KCNJ5: variants seen among roughly 807,000 people sequenced by gnomAD.
The protein encoded by KCNJ5 is G protein-activated inward rectifier potassium channel 4.
Under a neutral mutation model 20.2 loss-of-function variants are expected in KCNJ5, and 12 were observed. The ratio of observed to expected loss-of-function variants is 0.59; its 90% CI spans 0.38 to 0.96. The LOEUF is 0.96. Among genes scored for constraint, KCNJ5 ranks in the 40% least tolerant of loss-of-function variants. The probability of loss-of-function intolerance (pLI) is 0.00; values close to 1 mark genes in which losing one functional copy is unlikely to be tolerated. For synonymous variants in KCNJ5, 210 were observed against 213.9 expected, an observed-to-expected ratio of 0.98 and a Z score of 0.16; for missense variants, 449 against 557.6, an observed-to-expected ratio of 0.81 and a Z score of 1.96.
At chr11:128,904,798 A>G (rs1944368149) in intron 1 of KCNJ5, among the ~76,000 whole-genome samples, 1 of 152,148 alleles carries the variant, frequency 6.6e-6, no homozygotes, top group African/African-American at 2.4e-5. Context: ...GTCAGCTTCC[A>G]CTGGGATTTC....
intron 1 of KCNJ5, among the ~76,000 whole-genome samples, chr11:128,895,881 G>A (rs1390480185): frequency 6.6e-6 from 1 of 152,182 alleles, no homozygotes; most frequent in African/African-American, 2.4e-5. Flanking sequence ...AGGGGTAGAA[G>A]GAGCCCAGGG....
Position 128,920,113 on chromosome 11 carries a change from G to T in KCNJ5, c.*3382G>T, listed in dbSNP as rs1944646223. On this transcript the variant is annotated 3_prime_UTR_variant, in exon 3 of 3. Transcript: ENST00000529694. ...GTAGGGAGAAGCCTCCAGGAACTCA[G>T]AATAGAACTCGTTCCCACTCATTTT... The T allele has an allele frequency of 6.6e-6, 1 of 152,242 alleles. No individual in the cohort carries two copies. The highest frequency in any genetic ancestry group is 1.5e-5 in the Non-Finnish European group (1 of 68,056). The allele number at this position is 152,242 out of a possible 1,614,324, so 9.4% of individuals were successfully genotyped here.
intron 1 of KCNJ5, among the ~76,000 whole-genome samples, chr11:128,892,829 G>A (rs1482202657): frequency 2.6e-5 from 4 of 152,174 alleles, no homozygotes; most frequent in African/African-American, 7.2e-5. Flanking sequence ...AGCTATATAC[G>A]TTTACATGAG....
intron 1 of KCNJ5, among the ~76,000 whole-genome samples, chr11:128,898,537 T>A (rs1175679262): frequency 6.6e-6 from 1 of 152,218 alleles, no homozygotes; most frequent in Non-Finnish European, 1.5e-5. Context: ...TTCAGCTGGG[T>A]CTCTCATCTG....
chr11:128,912,447 A>G (rs1010938605), intron 2 of KCNJ5, among the ~76,000 whole-genome samples: 7 of 152,204 alleles, frequency 4.6e-5, no homozygotes, highest in African/African-American at 1.7e-4. Flanking sequence ...ATAAACATCT[A>G]TCATCTGGCC....
chr11:128,903,534 G>A, intron 1 of KCNJ5: 1 of 1,613,204 alleles, frequency 6.2e-7, no homozygotes, highest in South Asian at 1.1e-5. Flanking sequence ...AGAATCCAGT[G>A]AAGGGGTGTT....
In KCNJ5 at chr11:128,911,905, G is replaced by T; in HGVS notation, c.632G>T (p.Arg211Leu). The change falls in exon 2 of 3, where the codon CGG (arginine) becomes CTG (leucine). Residue 211 changes from arginine to leucine, a missense_variant. Arg to Leu is a moderately radical substitution (Grantham distance 102, BLOSUM62 -2). This residue lies in a region of KCNJ5 where 145 missense variants were observed against 166.2 expected (regional missense o/e 0.87). Transcript: ENST00000529694. This position sits in a 1 kb window ranked among gnomAD's most constrained non-coding sequence, Gnocchi z 6.3. ...TCCAACAACGCAGTCATCTCCATGC[G>T]GGACGAGAAGCTGTGCCTCATGTTC... The part of the protein sequence containing the change: ...MFSNNAVISM[R>L]DEKLCLMFRV... 2 of 1,606,204 alleles carry T rather than the reference G, an allele frequency of 1.2e-6. No individual in the cohort carries two copies. The highest frequency in any genetic ancestry group is 8.5e-7 in the Non-Finnish European group (1 of 1,174,396).
Position 128,911,962 on chromosome 11 carries a change from T to TG in KCNJ5, c.691dup (p.Glu231GlyfsTer32). The TG allele has an allele frequency of 6.2e-7, 1 of 1,600,538 alleles. No individual in the cohort carries two copies. The highest frequency in any genetic ancestry group is 1.3e-5 in the African/African-American group (1 of 74,622). On this transcript the variant is annotated frameshift_variant, in exon 2 of 3. Coordinates refer to ENST00000529694, the MANE Select transcript of KCNJ5 (RefSeq NM_000890.5). LOFTEE classifies it high-confidence loss of function. This position sits in a 1 kb window ranked among gnomAD's most constrained non-coding sequence, Gnocchi z 6.3. ...GGCGACCTCCGCAACTCCCACATCG[T>TG]GGAGGCCTCCATCCGGGCCAAGCTC...
At chr11:128,916,102 TTGGATGGA>T (rs56658633) in intron 2 of KCNJ5, among the ~76,000 whole-genome samples, 24,947 of 117,628 alleles carry the variant, frequency 0.21, 2,620 homozygotes, top group Non-Finnish European at 0.27. Context: ...GGATAGATAA[TTGGATGGA>T]TGGATGGATG....
chr11:128,914,308 G>A (rs1185134516), intron 2 of KCNJ5, among the ~76,000 whole-genome samples: 3 of 152,232 alleles, frequency 2.0e-5, no homozygotes, highest in Non-Finnish European at 4.4e-5. Flanking sequence ...CCACAGGCTC[G>A]TAGTGGAGGG....
chr11:128,891,893 T>C (rs1270623102), intron 1 of KCNJ5, among the ~76,000 whole-genome samples, 172 bp downstream of exon 1: 2 of 152,100 alleles, frequency 1.3e-5, no homozygotes, highest in Non-Finnish European at 2.9e-5. Flanking sequence ...GTTTAGGAAA[T>C]TGGAGATCTC....
At chr11:128,909,064 C>G (rs1283879918) in intron 1 of KCNJ5, among the ~76,000 whole-genome samples, 2 of 152,142 alleles carry the variant, frequency 1.3e-5, no homozygotes, top group Non-Finnish European at 2.9e-5. Flanking sequence ...TGGGAAATGG[C>G]CAATGGACAT....
chr11:128,920,551 GT>G lies in KCNJ5; in HGVS notation c.*3821del, dbSNP rs1944650652. 1 of 152,278 alleles carries G rather than the reference GT, an allele frequency of 6.6e-6. No individual in the cohort carries two copies. Among genetic ancestry groups the G allele is most frequent in the Non-Finnish European group, 1.5e-5 (1 of 68,098 alleles). 9.4% of individuals were successfully genotyped at this position (152,278 alleles called of 1,614,324 possible). A position where few individuals can be genotyped will look rare whatever the true frequency, so the allele number is the denominator to read the frequency against. On this transcript the variant is annotated 3_prime_UTR_variant, in exon 3 of 3. Transcript: ENST00000529694. ...GTTGCCCGTTGTCATTTTTAAGACTGTGCCCTGAACACACCTCTGCCCATGC... is the reference window on the plus strand; with the variant it reads ...GTTGCCCGTTGTCATTTTTAAGACTGGCCCTGAACACACCTCTGCCCATGC...
rs1944658507 is a variant in KCNJ5 at position 128,921,098 on chromosome 11, A to G, written c.*4367A>G. 1 of 152,248 alleles carries G rather than the reference A, an allele frequency of 6.6e-6. No homozygotes were observed. Among genetic ancestry groups the G allele is most frequent in the Non-Finnish European group, 1.5e-5 (1 of 68,050 alleles). 9.4% of individuals were successfully genotyped at this position (152,248 alleles called of 1,614,324 possible). A position where few individuals can be genotyped will look rare whatever the true frequency, so the allele number is the denominator to read the frequency against. ...CTGTGTAGGATTCATCAATCTTCGT[A>G]TGCAAAAGAACACCACTGCACTGCA... On this transcript the variant is annotated 3_prime_UTR_variant, in exon 3 of 3. Transcript: ENST00000529694.
At chr11:128,899,966 G>C (rs1465935339) in intron 1 of KCNJ5, 9 of 152,172 alleles carry the variant, frequency 5.9e-5, no homozygotes, top group Admixed American at 5.9e-4. Context: ...TCAGTCACAA[G>C]CTCACGGGCC....
intron 1 of KCNJ5, among the ~76,000 whole-genome samples, chr11:128,898,891 G>T (rs577407886): frequency 1.3e-5 from 2 of 152,106 alleles, no homozygotes; most frequent in African/African-American, 4.8e-5. Flanking sequence ...TGTTCGCTAC[G>T]CTGTTCTCGA....
rs1944493093 is a variant in KCNJ5 at position 128,911,291 on chromosome 11, G to T, written c.18G>T (p.Arg6Ser). 6.2e-7 allele frequency: 1 copy of T among 1,614,022 alleles called. No homozygotes were observed. Among genetic ancestry groups the T allele is most frequent in the African/African-American group, 1.3e-5 (1 of 74,934 alleles). Reference protein sequence around the residue: MAGDSRNAMNQDMEIG... With the variant: MAGDSSNAMNQDMEIG... ...TCCCAGCTATGGCTGGCGATTCTAGGAATGCCATGAACCAGGACATGGAGA... is the reference window on the plus strand; with the variant it reads ...TCCCAGCTATGGCTGGCGATTCTAGTAATGCCATGAACCAGGACATGGAGA... Residue 6 changes from arginine to serine, a missense_variant, in exon 2 of 3, where the codon AGG becomes AGT. This residue lies in a region of KCNJ5 where 203 missense variants were observed against 258.0 expected (regional missense o/e 0.79). Coordinates refer to ENST00000529694, the MANE Select transcript of KCNJ5 (RefSeq NM_000890.5). The surrounding 1 kb of genome is among the most constrained non-coding windows in gnomAD (Gnocchi z 6.3).
intron 1 of KCNJ5, chr11:128,902,662 G>A: frequency 6.2e-7 from 1 of 1,613,966 alleles, no homozygotes; most frequent in Non-Finnish European, 8.5e-7. Flanking sequence ...CTTCCTGCCG[G>A]GCCGCCTGCC....
At position 128,911,456 on chromosome 11, in the gene KCNJ5, C is replaced by T. The variant is rs760931417; in HGVS notation, c.183C>T (p.Asn61=). The part of the protein sequence containing the change: ...QRYMEKSGKC[N]VHHGNVQETY... ...ACATGGAGAAGAGTGGCAAGTGCAA[C>T]GTGCACCACGGCAACGTCCAGGAGA... Residue 61 remains asparagine, a synonymous_variant, in exon 2 of 3, where the codon AAC becomes AAT. Coordinates refer to ENST00000529694, the MANE Select transcript of KCNJ5 (RefSeq NM_000890.5). This position sits in a 1 kb window ranked among gnomAD's most constrained non-coding sequence, Gnocchi z 6.3. 10 of 1,614,236 alleles carry T rather than the reference C, an allele frequency of 6.2e-6. No individual in the cohort carries two copies. The highest frequency in any genetic ancestry group is 2.2e-5 in the East Asian group (1 of 44,880).
Sources: allele counts gnomAD v4.1 joint callset (sites outside exome capture counted in the v4.1 genomes callset), GRCh38; gene constraint gnomAD v4.1.1; regional missense constraint gnomAD v4.1.1; non-coding constraint Gnocchi (gnomAD v3.1); transcripts MANE v1.5; gene names NCBI Gene and HGNC (gene_info 2026-07-23, HGNC 2026-07-21).